EDNRB: variants seen among roughly 807,000 people sequenced by gnomAD.
EDNRB encodes endothelin receptor type B, also known as Hirschsprung disease 2.
Under a neutral mutation model 46.4 loss-of-function variants are expected in EDNRB, and 18 were observed. That is an observed-to-expected ratio of 0.39 (90% CI 0.27 to 0.57). EDNRB has a LOEUF of 0.57. Among genes scored for constraint, EDNRB ranks in the 20% least tolerant of loss-of-function variants. The probability of loss-of-function intolerance (pLI) is 0.61; values close to 1 mark genes in which losing one functional copy is unlikely to be tolerated. For missense variants in EDNRB, 434 were observed against 537.5 expected, an observed-to-expected ratio of 0.81 and a Z score of 1.90; for synonymous variants, 213 against 204.9, an observed-to-expected ratio of 1.04 and a Z score of -0.34.
rs1196005060 is a variant in EDNRB, at chr13:77,903,622, C to A, written c.484-15G>T. The A allele has an allele frequency of 6.2e-7, 1 of 1,610,408 alleles. No individual in the cohort carries two copies. The highest frequency in any genetic ancestry group is 1.7e-5 in the Admixed American group (1 of 59,780). ...TCTGCCAGCAGCTGCATTGAGAAGA[C>A]ACGAAGCTCTGTTAGGGGGTTTCAT... On this transcript the variant is annotated splice_polypyrimidine_tract_variant and intron_variant, in intron 1 of 6. Transcript: ENST00000646607.
At position 77,953,953 on chromosome 13, in the gene EDNRB, C is replaced by T. The variant is rs184462440; in HGVS notation, c.-52+21394G>A. On this transcript the variant is annotated intron_variant, in intron 1 of 7. Transcript: ENST00000646948. Reference sequence around the variant, plus strand: ...ACCTGTAGTATTTTTTAAAACTTCACTTTTTGGAGAATTTTATATGTACAT... The same window carrying T: ...ACCTGTAGTATTTTTTAAAACTTCATTTTTTGGAGAATTTTATATGTACAT... Among the ~76,000 whole-genome samples, 28 of 152,192 alleles carry T rather than the reference C, an allele frequency of 1.8e-4. No individual in the cohort carries two copies. The East Asian group carries it at 5.2e-3, about 28-fold the overall frequency.
In EDNRB at chr13:77,945,760, A is replaced by G. The variant is rs141199734; in HGVS notation, c.-51-27136T>C. Among the ~76,000 whole-genome samples the G allele has an allele frequency of 1.9e-3, 288 of 152,218 alleles. 1 individual carries two copies. Among genetic ancestry groups the G allele is most frequent in the African/African-American group, 6.7e-3 (279 of 41,526 alleles). Reference sequence around the variant, plus strand: ...GCTATAGCAAATATTAAGCCCAGCTAAATTCCTAAACAGATTAATATAAAA... The same window carrying G: ...GCTATAGCAAATATTAAGCCCAGCTGAATTCCTAAACAGATTAATATAAAA... On this transcript the variant is annotated intron_variant, in intron 1 of 7. Coordinates refer to the EDNRB transcript ENST00000646948.
chr13:77,958,401 G>A (rs1417487710), intron 1 of EDNRB, among the ~76,000 whole-genome samples: 2 of 151,610 alleles, frequency 1.3e-5, no homozygotes, highest in African/African-American at 4.9e-5. Context: ...TTGAGACGGA[G>A]TCTCGCTGTC....
At chr13:77,900,476 G>A in intron 5 of EDNRB, 45 bp downstream of exon 5, 2 of 1,610,010 alleles carry the variant, frequency 1.2e-6, no homozygotes, top group Admixed American at 3.3e-5. Context: ...AAACACTTCT[G>A]AGTGGCATTT....
At chr13:77,900,022 G>T in intron 5 of EDNRB, 55 bp from the exon 6 acceptor site, 1 of 1,449,186 alleles carries the variant, frequency 6.9e-7, no homozygotes, top group Non-Finnish European at 9.7e-7. Context: ...TGAACATGTA[G>T]TCATTGTAGC....
chr13:77,925,321 C>T lies in EDNRB; in HGVS notation c.-51-6697G>A, dbSNP rs111543853. On this transcript the variant is annotated intron_variant, in intron 1 of 7. Coordinates refer to the EDNRB transcript ENST00000646948. ...CAAATACCTCTTTTAATTCTTTTCTCCGTAGATCCAGAAGTGGGATTGCTG... is the reference window on the plus strand; with the variant it reads ...CAAATACCTCTTTTAATTCTTTTCTTCGTAGATCCAGAAGTGGGATTGCTG... 4.4e-3 allele frequency among the ~76,000 whole-genome samples: 673 copies of T among 152,286 alleles called. 7 individuals carry two copies. Among genetic ancestry groups the T allele is most frequent in the Middle Eastern group, 0.02 (6 of 294 alleles).
intron 1 of EDNRB, among the ~76,000 whole-genome samples, chr13:77,931,329 T>C (rs750864640): frequency 6.6e-6 from 1 of 152,168 alleles, no homozygotes; most frequent in Non-Finnish European, 1.5e-5. Context: ...AGAAGTCAAG[T>C]ATTTTTTTTT....
chr13:77,952,164 T>A (rs1265736542), intron 1 of EDNRB, among the ~76,000 whole-genome samples: 1 of 151,888 alleles, frequency 6.6e-6, no homozygotes. Flanking sequence ...GAAAGTAAAG[T>A]GGTGAAAGAA....
intron 1 of EDNRB, chr13:77,975,234 CA>C: frequency 6.6e-6 from 1 of 152,442 alleles, no homozygotes; most frequent in Non-Finnish European, 1.5e-5. Flanking sequence ...TCAAGCAATT[CA>C]AACCAAGTCA....
At chr13:77,940,845 A>G (rs1392981314) in intron 1 of EDNRB, among the ~76,000 whole-genome samples, 1 of 152,094 alleles carries the variant, frequency 6.6e-6, no homozygotes, top group Non-Finnish European at 1.5e-5. Flanking sequence ...GAAGGAGGTT[A>G]AGCGTATAAT....
intron 1 of EDNRB, among the ~76,000 whole-genome samples, chr13:77,929,353 A>T (rs7326686): frequency 0.56 from 84,595 of 152,028 alleles, 24,308 homozygotes; most frequent in Middle Eastern, 0.67. Context: ...AGATGCACCT[A>T]TCCATCTATA....
At chr13:77,929,155 A>T (rs138728494) in intron 1 of EDNRB, among the ~76,000 whole-genome samples, 69 of 152,328 alleles carry the variant, frequency 4.5e-4, no homozygotes, top group Middle Eastern at 3.4e-3. Context: ...TAATCACTCA[A>T]AGGTCTCAAT....
At chr13:77,945,780 A>G (rs185316765) in intron 1 of EDNRB, among the ~76,000 whole-genome samples, 246 of 152,084 alleles carry the variant, frequency 1.6e-3, no homozygotes, top group Non-Finnish European at 2.9e-3. Flanking sequence ...ACAGATTAAT[A>G]TAAAACCTCA....
At chr13:77,964,449 T>C (rs1189643097) in intron 1 of EDNRB, among the ~76,000 whole-genome samples, 2 of 152,084 alleles carry the variant, frequency 1.3e-5, no homozygotes, top group African/African-American at 2.4e-5. Context: ...TATGCAGCCA[T>C]AAAAAACGAT....
chr13:77,922,385 G>C (rs902113926), upstream of EDNRB, among the ~76,000 whole-genome samples: 3 of 152,038 alleles, frequency 2.0e-5, no homozygotes, highest in Admixed American at 1.3e-4. Flanking sequence ...AAACCTTTTC[G>C]CCTGGTGACA....
At chr13:77,930,024 G>A (rs940828382) in intron 1 of EDNRB, among the ~76,000 whole-genome samples, 3 of 152,174 alleles carry the variant, frequency 2.0e-5, no homozygotes, top group African/African-American at 4.8e-5. Flanking sequence ...CAAAGGTGCA[G>A]GCTTGGAATG....
At position 77,918,419 on chromosome 13, in the gene EDNRB, G is replaced by A. The variant is rs139997339; in HGVS notation, c.155C>T (p.Thr52Ile). The A allele has an allele frequency of 2.5e-6, 4 of 1,580,544 alleles. No homozygotes were observed. The highest frequency in any genetic ancestry group is 3.4e-6 in the Non-Finnish European group (4 of 1,164,306). Residue 52 changes from threonine (T) to isoleucine (I), a missense_variant, in exon 1 of 7, where the codon ACC (threonine) becomes ATC (isoleucine). By Grantham distance (89) the Thr-to-Ile change is moderately conservative (BLOSUM62 -1). Transcript: ENST00000646607. This position sits in a 1 kb window ranked among gnomAD's most constrained non-coding sequence, Gnocchi z 4.5. Reference sequence around the variant, plus strand: ...GGCGTTGGAACCCTTGGGCCATAAGGTCTTAGTGGGTGGCGTCATTATCTC... The same window carrying A: ...GGCGTTGGAACCCTTGGGCCATAAGATCTTAGTGGGTGGCGTCATTATCTC... ...TAEIMTPPTK[T>I]LWPKGSNASL...
chr13:77,966,474 G>A (rs1262653627), intron 1 of EDNRB, among the ~76,000 whole-genome samples: 4 of 152,128 alleles, frequency 2.6e-5, no homozygotes, highest in Non-Finnish European at 5.9e-5. Context: ...AAATAAATGT[G>A]TCTGTTGAAT....
chr13:77,953,172 T>C (rs1287525564), intron 1 of EDNRB, among the ~76,000 whole-genome samples: 4 of 152,130 alleles, frequency 2.6e-5, no homozygotes, highest in Admixed American at 1.3e-4. Context: ...TTACCAAACT[T>C]GGTTTAGATT....
Sources: gnomAD v4.1 joint callset for allele counts (sites outside exome capture counted in the v4.1 genomes callset) on GRCh38, gnomAD v4.1.1 for gene constraint, Gnocchi (gnomAD v3.1) non-coding constraint, MANE v1.5 for transcripts, NCBI Gene and HGNC (gene_info 2026-07-23, HGNC 2026-07-21) for gene names.